Variants in CDH18 observed in about 807,000 individuals in gnomAD.
The protein encoded by CDH18 is cadherin-18.
A neutral mutation model predicts 67.9 loss-of-function variants in CDH18; 31 were observed. That is an observed-to-expected ratio of 0.46 (90% confidence interval 0.34 to 0.62). The LOEUF (loss-of-function observed/expected upper bound fraction) is 0.62. Ranked by LOEUF, CDH18 falls within the 20% of genes least tolerant of loss-of-function variation. The pLI is 0.01. For synonymous variants in CDH18, 362 were observed against 347.2 expected, an observed-to-expected ratio of 1.04 and a Z score of -0.48; for missense variants, 890 against 975.5, an observed-to-expected ratio of 0.91 and a Z score of 1.17.
chr5:20,523,965 A>G (rs1370802038), intron 1 of CDH18, among the ~76,000 whole-genome samples: 1 of 152,244 alleles, frequency 6.6e-6, no homozygotes, highest in Non-Finnish European at 1.5e-5. Context: ...TTGTGTGTGT[A>G]TGCACAGACT....
chr5:20,038,356 T>TA (rs1253109675), intron 2 of CDH18, among the ~76,000 whole-genome samples: 9 of 152,022 alleles, frequency 5.9e-5, no homozygotes, highest in Non-Finnish European at 1.0e-4. Context: ...ATTATGAGGG[T>TA]AGCATCATCC....
intron 1 of CDH18, among the ~76,000 whole-genome samples, chr5:20,444,777 T>C (rs1198901710): frequency 7.3e-6 from 1 of 137,828 alleles, no homozygotes; most frequent in African/African-American, 2.9e-5. Context: ...GCTTTTTTCT[T>C]TCTTTTTTTT....
intron 1 of CDH18, among the ~76,000 whole-genome samples, chr5:20,355,276 A>G (rs1215946578): frequency 1.3e-5 from 2 of 152,238 alleles, no homozygotes; most frequent in African/African-American, 4.8e-5. Context: ...TGCCTCTGGC[A>G]ACTCCAGTAG....
chr5:20,480,695 C>T (rs1036907622), intron 1 of CDH18, among the ~76,000 whole-genome samples: 2 of 152,010 alleles, frequency 1.3e-5, no homozygotes, highest in Admixed American at 6.6e-5. Flanking sequence ...AATTACTGCA[C>T]CTGACCAAAG....
intron 2 of CDH18, among the ~76,000 whole-genome samples, chr5:20,138,351 C>T (rs1749929366): frequency 6.6e-6 from 1 of 152,072 alleles, no homozygotes; most frequent in Non-Finnish European, 1.5e-5. Context: ...TACCCACAGC[C>T]AATATCATAC....
chr5:19,950,449 A>C (rs1435257190), intron 2 of CDH18, among the ~76,000 whole-genome samples: 4 of 152,086 alleles, frequency 2.6e-5, no homozygotes. Context: ...GGTGCACAAA[A>C]ATCTCAGAAA....
chr5:20,322,355 A>G (rs866071073), intron 1 of CDH18, among the ~76,000 whole-genome samples: 40 of 152,260 alleles, frequency 2.6e-4, no homozygotes, highest in African/African-American at 9.1e-4. Flanking sequence ...GTTGCTCAAG[A>G]TCCCAGAAAA....
intron 1 of CDH18, among the ~76,000 whole-genome samples, chr5:20,326,420 A>G: frequency 6.6e-6 from 1 of 152,158 alleles, no homozygotes; most frequent in Non-Finnish European, 1.5e-5. Context: ...TACAAACTTA[A>G]ATTCAGCTGC....
chr5:20,166,261 T>C (rs1226598427), intron 2 of CDH18, among the ~76,000 whole-genome samples: 1 of 151,528 alleles, frequency 6.6e-6, no homozygotes, highest in African/African-American at 2.4e-5. Context: ...GCCAACATGG[T>C]GAAACCCTGT....
At chr5:20,212,608 TG>T (rs534599515) in intron 2 of CDH18, among the ~76,000 whole-genome samples, 82 of 151,972 alleles carry the variant, frequency 5.4e-4, no homozygotes, top group African/African-American at 1.8e-3. Flanking sequence ...CAGAAGAGCG[TG>T]GGGGCCAATA....
At chr5:20,450,115 A>G (rs1165069394) in intron 1 of CDH18, among the ~76,000 whole-genome samples, 1 of 152,046 alleles carries the variant, frequency 6.6e-6, no homozygotes, top group Non-Finnish European at 1.5e-5. Context: ...AGGCGGGTGG[A>G]TCACCTGAGG....
At chr5:20,279,725 A>AAAAAAAAAAAAAAAAAAAAAAC (rs59764100) in intron 1 of CDH18, among the ~76,000 whole-genome samples, 5 of 128,788 alleles carry the variant, frequency 3.9e-5, no homozygotes, top group Admixed American at 7.7e-5. Flanking sequence ...AAAAAAAAAA[A>AAAAAAAAAAAAAAAAAAAAAAC]AAAGCAAAAA....
In CDH18 at chr5:20,490,642, G is replaced by C. The variant is rs558914347; in HGVS notation, c.-580+84820C>G. ...CAAGAGGAGGGTAAGTAAGTACATA[G>C]ATAGAGGCTGCAATTCACTTAGTGA... On this transcript the variant is annotated intron_variant, in intron 1 of 14. Transcript: ENST00000507958. Among the ~76,000 whole-genome samples, 8 of 152,290 alleles carry C rather than the reference G, an allele frequency of 5.3e-5. No individual in the cohort carries two copies. In the East Asian group the frequency reaches 1.5e-3, roughly 29 times the overall value.
intron 1 of CDH18, among the ~76,000 whole-genome samples, chr5:20,537,328 T>C (rs986030019): frequency 1.3e-5 from 2 of 152,136 alleles, no homozygotes; most frequent in Non-Finnish European, 2.9e-5. Context: ...ATAATGATCA[T>C]CACACAGAGG....
intron 9 of CDH18, among the ~76,000 whole-genome samples, chr5:19,527,722 T>G (rs1342943754): frequency 6.6e-6 from 1 of 151,800 alleles, no homozygotes; most frequent in African/African-American, 2.4e-5. Flanking sequence ...ACATAAAACT[T>G]ATCCCATATA....
chr5:19,687,442 C>T (rs1312249306), intron 5 of CDH18, among the ~76,000 whole-genome samples: 1 of 152,176 alleles, frequency 6.6e-6, no homozygotes, highest in African/African-American at 2.4e-5. Context: ...CAGTTACACC[C>T]ACTGGAATGG....
chr5:19,752,584 T>C (rs1268717627), intron 3 of CDH18, among the ~76,000 whole-genome samples: 1 of 151,978 alleles, frequency 6.6e-6, no homozygotes. Flanking sequence ...CAATGGTACT[T>C]CCCTACCCAT....
At chr5:20,032,653 A>C (rs1739504317) in intron 2 of CDH18, among the ~76,000 whole-genome samples, 16 of 151,970 alleles carry the variant, frequency 1.1e-4, no homozygotes. Flanking sequence ...GTGACATATG[A>C]TTTATCTGTG....
At chr5:20,132,919 T>A (rs138995374) in intron 2 of CDH18, among the ~76,000 whole-genome samples, 2 of 152,190 alleles carry the variant, frequency 1.3e-5, no homozygotes, top group Admixed American at 6.6e-5. Context: ...TTTCTCTTTA[T>A]GCAGAACTTT....
Sources: allele counts gnomAD v4.1 joint callset (sites outside exome capture counted in the v4.1 genomes callset), GRCh38; gene constraint gnomAD v4.1.1; transcripts MANE v1.5; gene names NCBI Gene and HGNC (gene_info 2026-07-23, HGNC 2026-07-21).